The following GALNT17 variants were observed in gnomAD, a reference collection of about 807,000 sequenced individuals.
GALNT17 encodes the protein polypeptide N-acetylgalactosaminyltransferase 17.
A neutral mutation model predicts 63.7 loss-of-function variants in GALNT17; 29 were observed. That is an observed-to-expected ratio of 0.46 (90% CI 0.34 to 0.62). The LOEUF (loss-of-function observed/expected upper bound fraction) is 0.62. Ranked by LOEUF, GALNT17 falls within the 20% of genes least tolerant of loss-of-function variation. GALNT17 has a pLI of 0.01. For synonymous variants in GALNT17, 305 were observed against 318.3 expected (o/e 0.96, Z 0.45); for missense variants, 603 against 799.6 (o/e 0.75, Z 2.97).
chr7:71,667,737 A>G (rs550175106), intron 7 of GALNT17, among the ~76,000 whole-genome samples: 1 of 152,314 alleles, frequency 6.6e-6, no homozygotes, highest in South Asian at 2.1e-4. Flanking sequence ...GTCCTCATAC[A>G]AAACCTCACC....
chr7:71,257,192 G>T (rs1471075412), intron 1 of GALNT17, among the ~76,000 whole-genome samples: 1 of 151,958 alleles, frequency 6.6e-6, no homozygotes, highest in Admixed American at 6.6e-5. Context: ...TTGTGAAATG[G>T]GTGCAGGACA....
At chr7:71,172,638 T>A (rs1447212050) in intron 1 of GALNT17, among the ~76,000 whole-genome samples, 1 of 152,056 alleles carries the variant, frequency 6.6e-6, no homozygotes, top group Non-Finnish European at 1.5e-5. Context: ...TAAGGACCAC[T>A]CCTGTGGAGT....
intron 5 of GALNT17, among the ~76,000 whole-genome samples, chr7:71,558,212 G>A (rs1376827738): frequency 3.3e-5 from 5 of 152,154 alleles, no homozygotes; most frequent in African/African-American, 4.8e-5. Flanking sequence ...AGTAAATCCA[G>A]GCAAAATCAA....
intron 6 of GALNT17, among the ~76,000 whole-genome samples, chr7:71,633,440 C>T (rs1391874329): frequency 1.3e-5 from 2 of 152,166 alleles, no homozygotes; most frequent in Non-Finnish European, 2.9e-5. Context: ...CGGCTGATGG[C>T]TTGGGGAGGA....
At chr7:71,701,287 G>A (rs1184612105) in intron 9 of GALNT17, among the ~76,000 whole-genome samples, 1 of 152,114 alleles carries the variant, frequency 6.6e-6, no homozygotes, top group Non-Finnish European at 1.5e-5. Flanking sequence ...AGAAGTTCAA[G>A]ACCAGCCTGG....
chr7:71,593,993 G>C (rs1020381513), intron 6 of GALNT17, among the ~76,000 whole-genome samples: 1 of 149,946 alleles, frequency 6.7e-6, no homozygotes, highest in Non-Finnish European at 1.5e-5. Context: ...GAGGCCAAAG[G>C]AATGTGCAGA....
intron 5 of GALNT17, among the ~76,000 whole-genome samples, chr7:71,499,143 C>G (rs1435829919): frequency 6.6e-6 from 1 of 152,078 alleles, no homozygotes; most frequent in Non-Finnish European, 1.5e-5. Flanking sequence ...TCCAAGTTAA[C>G]TGCTATTTAA....
chr7:71,612,961 C>T (rs373115042), intron 6 of GALNT17, among the ~76,000 whole-genome samples: 32 of 152,332 alleles, frequency 2.1e-4, no homozygotes, highest in African/African-American at 7.7e-4. Context: ...ACAAACAGAG[C>T]TTCCCCCTGG....
rs376891717 is a variant in GALNT17 at position 71,279,073 on chromosome 7, G to A, written c.239-56477G>A. On this transcript the variant is annotated intron_variant, in intron 1 of 10. Transcript: ENST00000333538. Reference sequence around the variant, plus strand: ...CCCGAGTAGCTGGGATTACAGGAACGCACCACCACGTCCAGCTAATTTTTG... The same window carrying A: ...CCCGAGTAGCTGGGATTACAGGAACACACCACCACGTCCAGCTAATTTTTG... Among the ~76,000 whole-genome samples, 23 of 151,852 alleles carry A rather than the reference G, an allele frequency of 1.5e-4. No individual in the cohort carries two copies. The East Asian group carries it at 1.8e-3, about 12-fold the overall frequency.
chr7:71,454,155 A>G (rs1787314663), intron 5 of GALNT17, among the ~76,000 whole-genome samples: 1 of 152,124 alleles, frequency 6.6e-6, no homozygotes. Flanking sequence ...ACAGAGGTAA[A>G]CATGTGCCAT....
At chr7:71,183,338 C>T (rs111708097) in intron 1 of GALNT17, among the ~76,000 whole-genome samples, 1 of 152,152 alleles carries the variant, frequency 6.6e-6, no homozygotes, top group African/African-American at 2.4e-5. Context: ...GCAGAGCCCA[C>T]TGATCTTGGC....
At chr7:71,475,508 G>A (rs1470275330) in intron 5 of GALNT17, among the ~76,000 whole-genome samples, 1 of 152,186 alleles carries the variant, frequency 6.6e-6, no homozygotes, top group Admixed American at 6.5e-5. Context: ...TAATGCCGCT[G>A]CTGATCTGAC....
intron 1 of GALNT17, among the ~76,000 whole-genome samples, chr7:71,255,011 A>T (rs1417925308): frequency 6.6e-6 from 1 of 152,232 alleles, no homozygotes; most frequent in Non-Finnish European, 1.5e-5. Context: ...GTGAGAGGCG[A>T]TGTCAGGGAG....
intron 1 of GALNT17, among the ~76,000 whole-genome samples, chr7:71,146,057 C>T (rs1788017486): frequency 1.3e-5 from 2 of 151,992 alleles, no homozygotes; most frequent in African/African-American, 4.8e-5. Context: ...ATTTTCTATA[C>T]CTCCCTGAGC....
At chr7:71,294,759 C>A (rs974054306) in intron 1 of GALNT17, among the ~76,000 whole-genome samples, 1 of 152,054 alleles carries the variant, frequency 6.6e-6, no homozygotes, top group Non-Finnish European at 1.5e-5. Context: ...TCTATTAGTT[C>A]TATTTTGTAT....
chr7:71,595,892 G>A (rs549805623), intron 6 of GALNT17, among the ~76,000 whole-genome samples: 1 of 152,282 alleles, frequency 6.6e-6, no homozygotes, highest in East Asian at 1.9e-4. Flanking sequence ...CTTTGGAAAA[G>A]ACAATTTGTT....
At chr7:71,298,194 T>C (rs566437695) in intron 1 of GALNT17, among the ~76,000 whole-genome samples, 1 of 152,198 alleles carries the variant, frequency 6.6e-6, no homozygotes, top group South Asian at 2.1e-4. Context: ...CCAATTTTTG[T>C]ATTTTTAGTA....
intron 1 of GALNT17, among the ~76,000 whole-genome samples, chr7:71,295,381 G>A (rs1791059030): frequency 6.6e-6 from 1 of 152,092 alleles, no homozygotes; most frequent in South Asian, 2.1e-4. Flanking sequence ...GTCTAGGAGG[G>A]TGAGGCAGAG....
chr7:71,333,848 A>G (rs1791849843), intron 1 of GALNT17, among the ~76,000 whole-genome samples: 1 of 152,212 alleles, frequency 6.6e-6, no homozygotes, highest in African/African-American at 2.4e-5. Context: ...GGACAACTGT[A>G]CATTCCCACT....
Sources: allele counts gnomAD v4.1 joint callset (sites outside exome capture counted in the v4.1 genomes callset), GRCh38; gene constraint gnomAD v4.1.1; transcripts MANE v1.5; gene names NCBI Gene and HGNC (gene_info 2026-07-23, HGNC 2026-07-21).